Variants in SETD2 observed in about 807,000 individuals in gnomAD.
SETD2 encodes the protein histone-lysine N-methyltransferase SETD2.
In SETD2, 31 loss-of-function variants were observed where a neutral mutation model predicts 242.1. The observed-to-expected ratio is 0.13, with a 90% confidence interval of 0.10 to 0.17. SETD2 has a LOEUF of 0.17. SETD2 is among the 10% of genes least tolerant of loss of function. The pLI, the probability that SETD2 is intolerant of heterozygous loss-of-function variation, is 1.00. For synonymous variants in SETD2, 1,006 were observed against 1,066.5 expected, an observed-to-expected ratio of 0.94 and a Z score of 1.11; for missense variants, 2,481 against 3,046.3, an observed-to-expected ratio of 0.81 and a Z score of 4.37.
In SETD2 at chr3:47,108,384, C is replaced by T. The variant is rs148710036; in HGVS notation, c.4716-2264G>A. On this transcript the variant is annotated intron_variant, in intron 5 of 20. Coordinates refer to ENST00000409792, the MANE Select transcript of SETD2 (RefSeq NM_014159.7). Reference sequence around the variant, plus strand: ...AAATAAAAATAAAGCATATTGATGTCATCTGGCATCGATATTATGCCCATT... The same window carrying T: ...AAATAAAAATAAAGCATATTGATGTTATCTGGCATCGATATTATGCCCATT... 5.2e-3 allele frequency among the ~76,000 whole-genome samples: 793 copies of T among 152,220 alleles called. 8 individuals carry two copies. Among genetic ancestry groups the T allele is most frequent in the African/African-American group, 0.018 (760 of 41,540 alleles).
intron 14 of SETD2, among the ~76,000 whole-genome samples, chr3:47,061,087 G>A (rs1179328017): frequency 4.6e-5 from 7 of 152,026 alleles, no homozygotes; most frequent in Admixed American, 3.3e-4. Flanking sequence ...GCATGGTGGC[G>A]GGCACCTGTA....
chr3:47,072,519 G>GA, intron 12 of SETD2, among the ~76,000 whole-genome samples: 1 of 151,744 alleles, frequency 6.6e-6, no homozygotes, highest in South Asian at 2.1e-4. Flanking sequence ...CTGAGAAAGA[G>GA]AAAAAAAGAC....
rs1224403595 is a variant in SETD2 at position 47,124,154 on chromosome 3, G to C, written c.482C>G (p.Thr161Arg). Residue 161 changes from threonine (T) to arginine (R), a missense_variant, in exon 3 of 21, where the codon ACA becomes AGA. Thr to Arg is a moderately conservative substitution (Grantham distance 71). Transcript: ENST00000409792. ...VTSRPLLATT[T>R]AVASPPTHAA... ...ATGAGTAGGTGGAGATGCTACTGCT[G>C]TGGTAGTAGCCAGCAGTGGCCTGGA... 1 of 1,551,892 alleles carries C rather than the reference G, an allele frequency of 6.4e-7. No individual in the cohort carries two copies. The highest frequency in any genetic ancestry group is 2.4e-5 in the East Asian group (1 of 40,930).
intron 12 of SETD2, among the ~76,000 whole-genome samples, chr3:47,074,117 T>C (rs2040947141): frequency 6.6e-6 from 1 of 152,236 alleles, no homozygotes; most frequent in Admixed American, 6.5e-5. Flanking sequence ...GGCATACCTA[T>C]ACAGTAAAAT....
At chr3:47,143,471 A>G (rs866102051) in intron 1 of SETD2, among the ~76,000 whole-genome samples, 1 of 152,328 alleles carries the variant, frequency 6.6e-6, no homozygotes, top group Non-Finnish European at 1.5e-5. Context: ...CCTGCAAAAA[A>G]TATCTTTTGT....
chr3:47,076,750 T>C (rs1164888475), intron 12 of SETD2, among the ~76,000 whole-genome samples: 6 of 152,224 alleles, frequency 3.9e-5, no homozygotes, highest in African/African-American at 1.4e-4. Flanking sequence ...AGGAGAACAG[T>C]ATGTTCAAGG....
chr3:47,119,848 T>C, intron 3 of SETD2: 1 of 482,022 alleles, frequency 2.1e-6, no homozygotes, highest in South Asian at 1.7e-5. Context: ...ATTATTTTGC[T>C]GGGGTTTTAT....
At chr3:47,149,859 G>A (rs6772670) in intron 1 of SETD2, among the ~76,000 whole-genome samples, 73,860 of 151,694 alleles carry the variant, frequency 0.49, 19,468 homozygotes, top group Non-Finnish European at 0.58. Flanking sequence ...TAAATATAAC[G>A]TTTTTAATTG....
rs541338848 is a variant in SETD2 at position 47,098,733 on chromosome 3, T to C, written c.5016-652A>G. On this transcript the variant is annotated intron_variant, in intron 8 of 20. Coordinates refer to ENST00000409792, the MANE Select transcript of SETD2 (RefSeq NM_014159.7). ...ATTGTTTGAATCCAGGAGGCAGAGG[T>C]TGCAGTGAGCCGAGATTGCACCACC... 2.0e-4 allele frequency among the ~76,000 whole-genome samples: 30 copies of C among 152,098 alleles called. No homozygotes were observed. In the East Asian group the frequency reaches 4.4e-3, roughly 23 times the overall value.
intron 1 of SETD2, among the ~76,000 whole-genome samples, chr3:47,141,797 CG>C (rs1393886884): frequency 1.3e-5 from 2 of 152,034 alleles, no homozygotes; most frequent in African/African-American, 4.8e-5. Context: ...AGTACTCTTA[CG>C]GAACAAAAGC....
intron 14 of SETD2, among the ~76,000 whole-genome samples, chr3:47,060,368 AAAG>A (rs915336019): frequency 5.0e-4 from 76 of 152,318 alleles, no homozygotes; most frequent in Admixed American, 2.8e-3. Context: ...AGCAGATTTT[AAAG>A]AAGAGTAAAA....
rs754921650 is a variant in SETD2 at position 47,120,446 on chromosome 3, T to C, written c.4190A>G (p.Asp1397Gly). The C allele has an allele frequency of 8.1e-6, 13 of 1,613,170 alleles. No homozygotes were observed. The African/African-American group carries it at 1.1e-4, about 13-fold the overall frequency. ...KDFSKNLEKN[D>G]IKDRGPLKKR... Reference sequence around the variant, plus strand: ...TTTAAGAGGCCCTCTATCTTTGATATCATTTTTTTCTAAGTTTTTTGAAAA... The same window carrying C: ...TTTAAGAGGCCCTCTATCTTTGATACCATTTTTTTCTAAGTTTTTTGAAAA... Residue 1397 changes from aspartate (D) to glycine (G), a missense_variant, in exon 3 of 21, where the codon GAT (aspartate) becomes GGT (glycine). Around this residue, in one of 17 missense-constraint regions of SETD2, gnomAD observed 1,300 missense variants for 1,259.2 expected, o/e 1.03. Transcript: ENST00000409792.
At position 47,120,894 on chromosome 3, in the gene SETD2, C is replaced by G. The variant is rs955793443; in HGVS notation, c.3742G>C (p.Gly1248Arg). The G allele has an allele frequency of 6.2e-7, 1 of 1,614,212 alleles. No homozygotes were observed. The change falls in exon 3 of 21, where the codon GGC becomes CGC. Residue 1248 changes from glycine to arginine, a missense_variant. Around this residue, in one of 17 missense-constraint regions of SETD2, gnomAD observed 1,300 missense variants for 1,259.2 expected, o/e 1.03. Transcript: ENST00000409792. ...CTGAGCTCTTCTGATGAGTGCAAGC[C>G]ATCCACATGTGGTATCTCACAAGAG... ...SSSCEIPHVD[G>R]LHSSEELRNL...
chr3:47,132,332 C>T (rs2043497785), intron 1 of SETD2, among the ~76,000 whole-genome samples: 1 of 151,820 alleles, frequency 6.6e-6, no homozygotes, highest in Non-Finnish European at 1.5e-5. Context: ...TACAAAACTA[C>T]AAAAACTAGC....
intron 15 of SETD2, 64 bp downstream of exon 15, chr3:47,056,757 A>G: frequency 7.5e-7 from 1 of 1,326,180 alleles, no homozygotes; most frequent in Non-Finnish European, 1.1e-6. Context: ...CCCCTATACC[A>G]GATTTAACTA....
chr3:47,019,897 C>T, intron 18 of SETD2, 57 bp from the exon 19 acceptor site: 2 of 1,391,284 alleles, frequency 1.4e-6, no homozygotes, highest in African/African-American at 1.4e-5. Context: ...TTTAGTGATG[C>T]CCTACTGTCC....
At chr3:47,144,695 C>T (rs1342833030) in intron 1 of SETD2, among the ~76,000 whole-genome samples, 3 of 151,924 alleles carry the variant, frequency 2.0e-5, no homozygotes, top group African/African-American at 4.8e-5. Flanking sequence ...AGGCCAGGCA[C>T]GGTGGCCCAC....
chr3:47,017,384 G>C lies in SETD2; in HGVS notation c.7534-130C>G. The C allele has an allele frequency of 2.0e-6, 2 of 993,714 alleles. No homozygotes were observed. Among genetic ancestry groups the C allele is most frequent in the Non-Finnish European group, 2.9e-6 (2 of 679,866 alleles). 61.6% of individuals were successfully genotyped at this position (993,714 alleles called of 1,614,324 possible). On this transcript the variant is annotated intron_variant, in intron 20 of 20. Coordinates refer to ENST00000409792, the MANE Select transcript of SETD2 (RefSeq NM_014159.7). The surrounding 1 kb of genome is among the most constrained non-coding windows in gnomAD (Gnocchi z 4.8). ...TCACCAAGACAGGAAGTTAATAAGG[G>C]GGTAGATGTTGGGGCAGGCTGGTGC...
At chr3:47,031,950 G>T (rs1403712904) in intron 18 of SETD2, among the ~76,000 whole-genome samples, 1 of 152,122 alleles carries the variant, frequency 6.6e-6, no homozygotes, top group African/African-American at 2.4e-5. Context: ...ATTCAGTTAA[G>T]AGTGGCAGTT....
Sources: allele counts gnomAD v4.1 joint callset (sites outside exome capture counted in the v4.1 genomes callset), GRCh38; gene constraint gnomAD v4.1.1; regional missense constraint gnomAD v4.1.1; non-coding constraint Gnocchi (gnomAD v3.1); transcripts MANE v1.5; gene names NCBI Gene and HGNC (gene_info 2026-07-23, HGNC 2026-07-21).